NDST3: variants seen among roughly 807,000 people sequenced by gnomAD.
The protein encoded by NDST3 is bifunctional heparan sulfate N-deacetylase/N-sulfotransferase 3.
In NDST3, 58 loss-of-function variants were observed where a neutral mutation model predicts 96.1. That is an observed-to-expected ratio of 0.60 (90% CI 0.49 to 0.75). The LOEUF is 0.75. Among genes scored for constraint, NDST3 ranks in the 30% least tolerant of loss-of-function variants. The pLI is 0.00. For synonymous variants in NDST3, 333 were observed against 359.7 expected (o/e 0.93, Z 0.84); for missense variants, 788 against 1,034.2 (o/e 0.76, Z 3.27).
chr4:118,182,989 G>T (rs1372201069), intron 6 of NDST3, among the ~76,000 whole-genome samples: 1 of 152,050 alleles, frequency 6.6e-6, no homozygotes, highest in South Asian at 2.1e-4. Flanking sequence ...GCAAGGGAAG[G>T]GATCAGAAAA....
At chr4:118,085,988 C>G (rs1490845723) in intron 2 of NDST3, among the ~76,000 whole-genome samples, 3 of 152,176 alleles carry the variant, frequency 2.0e-5, no homozygotes, top group African/African-American at 7.2e-5. Context: ...ATTCTCTCAA[C>G]AGACATTTTT....
chr4:118,193,851 T>C, intron 6 of NDST3: 1 of 1,254,274 alleles, frequency 8.0e-7, no homozygotes. Context: ...GCCTTCTGTG[T>C]TTCCTCATTG....
At chr4:118,037,896 C>T (rs1224496735) in intron 1 of NDST3, among the ~76,000 whole-genome samples, 1 of 152,182 alleles carries the variant, frequency 6.6e-6, no homozygotes. Context: ...CTTCAACCTC[C>T]TCAAGACTCC....
At chr4:118,193,718 C>A (rs1737471954) in intron 6 of NDST3, 3 of 1,320,180 alleles carry the variant, frequency 2.3e-6, no homozygotes, top group East Asian at 4.6e-5. Context: ...ATGGAAGAGG[C>A]CCTTCTCGTT....
intron 7 of NDST3, 62 bp downstream of exon 7, chr4:118,224,735 T>A (rs1190659709): frequency 2.1e-6 from 3 of 1,405,004 alleles, no homozygotes; most frequent in African/African-American, 2.9e-5. Context: ...CTGTGAGATA[T>A]CCCAAATTTG....
chr4:118,058,648 C>T (rs904372697), intron 2 of NDST3, among the ~76,000 whole-genome samples: 17 of 144,222 alleles, frequency 1.2e-4, no homozygotes, highest in Non-Finnish European at 2.3e-4. Flanking sequence ...CGCGCGCGCA[C>T]GCATGCATGC....
At chr4:118,183,793 T>G (rs1578780669) in intron 6 of NDST3, among the ~76,000 whole-genome samples, 1 of 152,194 alleles carries the variant, frequency 6.6e-6, no homozygotes, top group Non-Finnish European at 1.5e-5. Context: ...TGTTGCATAT[T>G]TACATCCTCT....
intron 6 of NDST3, among the ~76,000 whole-genome samples, chr4:118,192,545 T>C (rs1737377328): frequency 6.6e-6 from 1 of 152,224 alleles, no homozygotes; most frequent in Non-Finnish European, 1.5e-5. Flanking sequence ...AGATTGTCTT[T>C]TCCCCAGTGT....
chr4:118,161,138 C>T (rs1735089370), intron 6 of NDST3, among the ~76,000 whole-genome samples: 1 of 152,264 alleles, frequency 6.6e-6, no homozygotes, highest in African/African-American at 2.4e-5. Context: ...AGGTCCACTC[C>T]AGACCCTGTT....
At chr4:118,246,815 C>T (rs1741340866) in intron 12 of NDST3, among the ~76,000 whole-genome samples, 1 of 152,028 alleles carries the variant, frequency 6.6e-6, no homozygotes, top group African/African-American at 2.4e-5. Context: ...AGAAACTGCC[C>T]CAATGATTCA....
At chr4:118,171,891 T>C (rs915284556) in intron 6 of NDST3, among the ~76,000 whole-genome samples, 2 of 152,096 alleles carry the variant, frequency 1.3e-5, no homozygotes, top group Non-Finnish European at 2.9e-5. Flanking sequence ...CAGCCAGATA[T>C]GAGCCAGTAA....
At position 118,053,908 on chromosome 4, in the gene NDST3, A is replaced by G; in HGVS notation, c.-3A>G. ...TGGCATAGTTGGGGAAAGCACCTAC[A>G]ACATGAGTTTTATCATGAAGCTTCA... On this transcript the variant is annotated 5_prime_UTR_variant, in exon 2 of 14. Coordinates refer to ENST00000296499, the MANE Select transcript of NDST3 (RefSeq NM_004784.3). 1 of 1,590,148 alleles carries G rather than the reference A, an allele frequency of 6.3e-7. No homozygotes were observed. The highest frequency in any genetic ancestry group is 2.2e-5 in the East Asian group (1 of 44,572).
chr4:118,244,067 C>G (rs1299336286), intron 12 of NDST3, among the ~76,000 whole-genome samples: 1 of 152,182 alleles, frequency 6.6e-6, no homozygotes, highest in African/African-American at 2.4e-5. Context: ...AGCAGTGCCA[C>G]CCAGGCTCTC....
At chr4:118,101,287 T>A (rs921667212) in intron 2 of NDST3, among the ~76,000 whole-genome samples, 1 of 152,014 alleles carries the variant, frequency 6.6e-6, no homozygotes, top group African/African-American at 2.4e-5. Context: ...AGAACTCAGA[T>A]TCTTTAAATT....
chr4:118,039,991 C>T (rs920239855), intron 1 of NDST3, among the ~76,000 whole-genome samples: 1 of 152,172 alleles, frequency 6.6e-6, no homozygotes, highest in African/African-American at 2.4e-5. Flanking sequence ...TAACAGAGTT[C>T]CACTTTGATG....
chr4:118,064,134 C>T (rs188530379), intron 2 of NDST3, among the ~76,000 whole-genome samples: 30 of 152,228 alleles, frequency 2.0e-4, no homozygotes, highest in East Asian at 1.5e-3. Flanking sequence ...GCCCTTCTGG[C>T]GCTCAATCAA....
At chr4:118,245,670 G>A (rs957837558) in intron 12 of NDST3, among the ~76,000 whole-genome samples, 1 of 152,096 alleles carries the variant, frequency 6.6e-6, no homozygotes, top group African/African-American at 2.4e-5. Flanking sequence ...TGGCATGAAA[G>A]AACACCTAGA....
At chr4:118,197,314 G>A (rs1250834801) in intron 6 of NDST3, among the ~76,000 whole-genome samples, 1 of 119,702 alleles carries the variant, frequency 8.4e-6, no homozygotes, top group Non-Finnish European at 1.9e-5. Context: ...TGTGTATTCT[G>A]CAGTCTTTGA....
At chr4:118,237,462 A>C (rs1020239224) in intron 10 of NDST3, among the ~76,000 whole-genome samples, 1 of 134,748 alleles carries the variant, frequency 7.4e-6, no homozygotes, top group African/African-American at 2.4e-5. Context: ...CAATAAAAGA[A>C]ACTAAATTAA....
Sources: gnomAD v4.1 joint callset for allele counts (sites outside exome capture counted in the v4.1 genomes callset) on GRCh38, gnomAD v4.1.1 for gene constraint, MANE v1.5 for transcripts, NCBI Gene and HGNC (gene_info 2026-07-23, HGNC 2026-07-21) for gene names.